Variants in NRXN3 observed in about 807,000 individuals in gnomAD.
NRXN3 encodes the protein neurexin 3, also known as neurexin III.
NRXN3 carries 32 observed loss-of-function variants against 137.6 expected under a neutral mutation model. The observed-to-expected ratio is 0.23, with a 90% CI of 0.18 to 0.31. The LOEUF (loss-of-function observed/expected upper bound fraction) is 0.31, where lower values mean the gene tolerates loss of function less well. Among genes scored for constraint, NRXN3 ranks in the 10% least tolerant of loss-of-function variants. The pLI is 1.00. For synonymous variants in NRXN3, 798 were observed against 784.5 expected (o/e 1.02, Z -0.29); for missense variants, 1,574 against 2,062.5 (o/e 0.76, Z 4.59).
intron 15 of NRXN3, among the ~76,000 whole-genome samples, chr14:79,077,834 A>T (rs1014136041): frequency 6.6e-6 from 1 of 152,142 alleles, no homozygotes; most frequent in Non-Finnish European, 1.5e-5. Context: ...TTCAGGCAGA[A>T]AAAATGAAAA....
intron 16 of NRXN3, among the ~76,000 whole-genome samples, chr14:79,638,624 C>G (rs2098417642): frequency 6.6e-6 from 1 of 152,096 alleles, no homozygotes; most frequent in Admixed American, 6.6e-5. Flanking sequence ...ATTTTTTTAT[C>G]TAACTATATT....
intron 1 of NRXN3, among the ~76,000 whole-genome samples, chr14:78,194,747 A>C (rs2061070251): frequency 1.3e-5 from 2 of 152,182 alleles, no homozygotes; most frequent in African/African-American, 2.4e-5. Flanking sequence ...AGAGGAGAGA[A>C]GGATGATCCA....
At position 79,532,590 on chromosome 14, in the gene NRXN3, G is replaced by A. The variant is rs114198918; in HGVS notation, c.3444+65188G>A. Among the ~76,000 whole-genome samples the A allele has an allele frequency of 3.2e-3, 481 of 152,212 alleles. 2 individuals are homozygous for A. The highest frequency in any genetic ancestry group is 0.011 in the African/African-American group (459 of 41,526). Reference sequence around the variant, plus strand: ...CAGTTGTTACGACGGCTTACTCTGTGGACCATGCAAATAATATCATTTTCG... The same window carrying A: ...CAGTTGTTACGACGGCTTACTCTGTAGACCATGCAAATAATATCATTTTCG... On this transcript the variant is annotated intron_variant, in intron 16 of 20. Coordinates refer to ENST00000335750, the MANE Select transcript of NRXN3 (RefSeq NM_001330195.2).
Position 79,647,518 on chromosome 14 carries a change from A to G in NRXN3, c.3445-16260A>G, listed in dbSNP as rs890451577. Among the ~76,000 whole-genome samples, 2 of 136,224 alleles carry G rather than the reference A, an allele frequency of 1.5e-5. 1 individual carries two copies. The highest frequency in any genetic ancestry group is 3.4e-5 in the Non-Finnish European group (2 of 58,542). The allele number at this position is 136,224 out of a possible 152,430, so 89.4% of individuals were successfully genotyped here. ...TTTCCTATTGGTATGTTTCTGAGTCAAGGTGAAAGCAGTTAATACTTAAGA... is the reference window on the plus strand; with the variant it reads ...TTTCCTATTGGTATGTTTCTGAGTCGAGGTGAAAGCAGTTAATACTTAAGA... On this transcript the variant is annotated intron_variant, in intron 16 of 20. Coordinates refer to ENST00000335750, the MANE Select transcript of NRXN3 (RefSeq NM_001330195.2).
At chr14:78,950,226 T>C (rs893664881) in intron 10 of NRXN3, among the ~76,000 whole-genome samples, 7 of 152,164 alleles carry the variant, frequency 4.6e-5, no homozygotes, top group Non-Finnish European at 1.0e-4. Flanking sequence ...TCTTGAAAAG[T>C]GGTTTCATGG....
chr14:79,531,574 A>G (rs887743347), intron 16 of NRXN3, among the ~76,000 whole-genome samples: 1 of 152,348 alleles, frequency 6.6e-6, no homozygotes, highest in Middle Eastern at 3.4e-3. Context: ...TGTTATGTTC[A>G]GGTTTGGCAA....
At chr14:79,783,344 G>A (rs767655338) in intron 19 of NRXN3, among the ~76,000 whole-genome samples, 5 of 152,188 alleles carry the variant, frequency 3.3e-5, no homozygotes, top group African/African-American at 7.2e-5. Flanking sequence ...CTGTTATTAC[G>A]TGGGAAAATA....
chr14:79,281,173 C>A (rs74067962), intron 15 of NRXN3, among the ~76,000 whole-genome samples: 9,126 of 152,204 alleles, frequency 0.06, 736 homozygotes, highest in African/African-American at 0.18. Flanking sequence ...TACACATCTA[C>A]TATTGCTATC....
intron 20 of NRXN3, among the ~76,000 whole-genome samples, chr14:79,841,611 A>G (rs1004862533): frequency 6.6e-6 from 1 of 152,216 alleles, no homozygotes; most frequent in Non-Finnish European, 1.5e-5. Context: ...GCATGCTTTC[A>G]CTGCCCTGAT....
rs755922200 is a variant in NRXN3, at chr14:79,639,021, A to C, written c.3445-24757A>C. 1.3e-4 allele frequency among the ~76,000 whole-genome samples: 20 copies of C among 152,122 alleles called. 1 individual carries two copies. The highest frequency in any genetic ancestry group is 2.6e-4 in the Non-Finnish European group (18 of 68,016). On this transcript the variant is annotated intron_variant, in intron 16 of 20. Coordinates refer to ENST00000335750, the MANE Select transcript of NRXN3 (RefSeq NM_001330195.2). The stretch of plus-strand genomic sequence containing the variant: ...TTCCCTGCCCTTTCATCTCTCTGTA[A>C]TACGGTTCTATGTCATGGGCCTCCT...
chr14:79,392,598 C>G lies in NRXN3; in HGVS notation c.3263-74623C>G, dbSNP rs1180223252. Among the ~76,000 whole-genome samples the G allele has an allele frequency of 1.6e-4, 24 of 152,280 alleles. 1 individual carries two copies. The East Asian group carries it at 4.4e-3, about 28-fold the overall frequency. ...CAACAAACATATGAAAAAAGCTCAT[C>G]ATCATTGGTCGTTAGAGAAATGCAA... On this transcript the variant is annotated intron_variant, in intron 15 of 20. Coordinates refer to ENST00000335750, the MANE Select transcript of NRXN3 (RefSeq NM_001330195.2).
intron 4 of NRXN3, among the ~76,000 whole-genome samples, chr14:78,342,192 C>T (rs2082220983): frequency 6.6e-6 from 1 of 152,132 alleles, no homozygotes; most frequent in Non-Finnish European, 1.5e-5. Context: ...CAATCAATTC[C>T]CACAATAATG....
chr14:78,747,579 T>C (rs547796805), intron 8 of NRXN3, among the ~76,000 whole-genome samples: 2 of 152,214 alleles, frequency 1.3e-5, no homozygotes, highest in East Asian at 3.8e-4. Context: ...AATTTCTTCT[T>C]ATTTGAACTA....
chr14:78,898,554 CGTGTGTGTGT>C (rs66861661), intron 10 of NRXN3, among the ~76,000 whole-genome samples: 6,042 of 136,314 alleles, frequency 0.044, 134 homozygotes, highest in Non-Finnish European at 0.05. Context: ...AGCTGGGTTT[CGTGTGTGTGT>C]GTGTGTGTGT....
chr14:78,387,262 A>G (rs2090106439), intron 4 of NRXN3, among the ~76,000 whole-genome samples: 1 of 152,204 alleles, frequency 6.6e-6, no homozygotes, highest in Non-Finnish European at 1.5e-5. Flanking sequence ...ATCCTCATAA[A>G]AAAAGTACCA....
At chr14:78,257,334 A>G (rs2069816198) in intron 2 of NRXN3, among the ~76,000 whole-genome samples, 1 of 152,244 alleles carries the variant, frequency 6.6e-6, no homozygotes, top group South Asian at 2.1e-4. Context: ...TCTGTAATGT[A>G]CCAGTGTGAT....
chr14:79,195,899 G>C (rs1363449323), intron 15 of NRXN3, among the ~76,000 whole-genome samples: 1 of 152,210 alleles, frequency 6.6e-6, no homozygotes, highest in Non-Finnish European at 1.5e-5. Context: ...AATAATTCCT[G>C]AGAAAGGAAC....
chr14:79,049,466 C>A (rs568929369), intron 15 of NRXN3, among the ~76,000 whole-genome samples: 1 of 152,160 alleles, frequency 6.6e-6, no homozygotes, highest in Non-Finnish European at 1.5e-5. Context: ...TCTGCAGTTA[C>A]TTCCTATGCC....
At chr14:78,672,212 C>A (rs992075731) in intron 6 of NRXN3, among the ~76,000 whole-genome samples, 1 of 152,162 alleles carries the variant, frequency 6.6e-6, no homozygotes, top group African/African-American at 2.4e-5. Flanking sequence ...GTGAGCATCT[C>A]CATCTAATGT....
Sources: allele counts gnomAD v4.1 joint callset (sites outside exome capture counted in the v4.1 genomes callset), GRCh38; gene constraint gnomAD v4.1.1; transcripts MANE v1.5; gene names NCBI Gene and HGNC (gene_info 2026-07-23, HGNC 2026-07-21).